SUN5: variants seen among roughly 807,000 people sequenced by gnomAD.
SUN5 encodes SUN domain-containing protein 5.
Under a neutral mutation model 53.7 loss-of-function variants are expected in SUN5, and 44 were observed. The ratio of observed to expected loss-of-function variants is 0.82; its 90% CI spans 0.64 to 1.05. The LOEUF (loss-of-function observed/expected upper bound fraction) is 1.05. Among genes scored for constraint, SUN5 ranks in the 50% least tolerant of loss-of-function variants. The probability of loss-of-function intolerance (pLI) is 0.00; values close to 1 mark genes in which losing one functional copy is unlikely to be tolerated. For synonymous variants in SUN5, 166 were observed against 179.8 expected (o/e 0.92, Z 0.62); for missense variants, 433 against 483.8 (o/e 0.90, Z 0.98).
chr20:32,984,768 C>T (rs996050742), intron 12 of SUN5, among the ~76,000 whole-genome samples: 19 of 152,210 alleles, frequency 1.2e-4, no homozygotes, highest in African/African-American at 2.7e-4. Flanking sequence ...CCACCCACTA[C>T]GGAGACTCTA....
At chr20:32,990,932 A>G (rs186724225) in intron 8 of SUN5, among the ~76,000 whole-genome samples, 2 of 152,304 alleles carry the variant, frequency 1.3e-5, no homozygotes, top group Admixed American at 1.3e-4. Flanking sequence ...CTAGAACAAT[A>G]GCCAGGGTGT....
chr20:32,983,806 AGGG>A lies in SUN5; in HGVS notation c.1125_1127del (p.Pro376del), dbSNP rs1989456214. On this transcript the variant is annotated inframe_deletion, in exon 13 of 13. Coordinates refer to ENST00000356173, the MANE Select transcript of SUN5 (RefSeq NM_080675.4). ...TAAAGAATAAATTTTAATCTCTCTTAGGGTAGGGGTTCTGGTGAGGCTGCTCTC... is the reference window on the plus strand; with the variant it reads ...TAAAGAATAAATTTTAATCTCTCTTATAGGGGTTCTGGTGAGGCTGCTCTC... 6.5e-6 allele frequency: 10 copies of A among 1,539,894 alleles called. No homozygotes were observed. The East Asian group carries it at 2.4e-4, about 38-fold the overall frequency.
At chr20:33,002,768 C>G in intron 2 of SUN5, 93 bp downstream of exon 2, 2 of 1,599,508 alleles carry the variant, frequency 1.3e-6, no homozygotes, top group South Asian at 2.2e-5. Flanking sequence ...GCCCCTGCCC[C>G]TTGCTGGGTA....
At chr20:32,996,418 G>A (rs938855449) in intron 6 of SUN5, 60 bp from the exon 7 acceptor site, 8 of 1,482,770 alleles carry the variant, frequency 5.4e-6, no homozygotes, top group African/African-American at 2.8e-5. Context: ...GGCCCCAGGA[G>A]AACTTCATCC....
chr20:32,988,538 C>T (rs890663826), intron 9 of SUN5, among the ~76,000 whole-genome samples: 1 of 152,114 alleles, frequency 6.6e-6, no homozygotes, highest in Non-Finnish European at 1.5e-5. Context: ...CCTCCCTCCT[C>T]GCCACCTGCC....
intron 5 of SUN5, among the ~76,000 whole-genome samples, chr20:32,998,197 A>AAAAAAAAAC (rs1989904638): frequency 6.6e-6 from 1 of 151,088 alleles, no homozygotes; most frequent in Admixed American, 6.6e-5. Context: ...AAAAAAAAAA[A>AAAAAAAAAC]AATACAAAAA....
In SUN5 at chr20:33,002,880, C is replaced by A. The variant is rs1133358; in HGVS notation, c.117G>T (p.Glu39Asp). The stretch of plus-strand genomic sequence containing the variant: ...GCTCACTCATGTTTGGGGAGGTGTC[C>A]TCTGCCATCCTGCTGGTGTTCCGGC... Reference protein sequence around the residue: ...QRGRNTSRMAEDTSPNMNDNI... With the variant: ...QRGRNTSRMADDTSPNMNDNI... The change falls in exon 2 of 13, where the codon GAG (glutamate) becomes GAT (aspartate). Residue 39 changes from glutamate to aspartate, a missense_variant. Glu to Asp is a conservative substitution (Grantham distance 45). Coordinates refer to ENST00000356173, the MANE Select transcript of SUN5 (RefSeq NM_080675.4). The A allele has an allele frequency of 0.23, 377,028 of 1,613,824 alleles. 45,944 individuals carry two copies. Among genetic ancestry groups the A allele is most frequent in the Admixed American group, 0.3 (18,065 of 60,008 alleles).
chr20:32,999,713 A>C, intron 5 of SUN5: 3 of 506,546 alleles, frequency 5.9e-6, no homozygotes, highest in South Asian at 2.4e-5. Context: ...CCCCACCCCC[A>C]GCCTCCACTC....
At chr20:32,988,837 C>T (rs1294885083) in intron 9 of SUN5, among the ~76,000 whole-genome samples, 8 of 152,092 alleles carry the variant, frequency 5.3e-5, no homozygotes, top group Non-Finnish European at 1.2e-4. Context: ...GATCCGCCTT[C>T]CTCGGCCTCC....
At chr20:32,988,742 C>T (rs1433029676) in intron 9 of SUN5, among the ~76,000 whole-genome samples, 1 of 151,526 alleles carries the variant, frequency 6.6e-6, no homozygotes, top group East Asian at 1.9e-4. Context: ...GTGCCCACAA[C>T]CACGCCCAGC....
intron 5 of SUN5, among the ~76,000 whole-genome samples, chr20:32,998,825 G>A (rs1214002904): frequency 6.6e-6 from 1 of 151,100 alleles, no homozygotes; most frequent in African/African-American, 2.4e-5. Flanking sequence ...AGACCAAACC[G>A]GGCAACACAA....
intron 10 of SUN5, among the ~76,000 whole-genome samples, chr20:32,987,449 C>A (rs893159452): frequency 1.3e-5 from 2 of 151,692 alleles, no homozygotes; most frequent in African/African-American, 2.4e-5. Context: ...ACCTCCTGCC[C>A]CCGCCTTCTC....
chr20:32,995,605 G>A lies in SUN5; in HGVS notation c.534+14C>T. On this transcript the variant is annotated intron_variant, in intron 8 of 12. Transcript: ENST00000356173. Reference sequence around the variant, plus strand: ...AGAAATTAGATGTTTGGGGCAGAATGGCCAGCGTCTCACCTCATCGGACAT... The same window carrying A: ...AGAAATTAGATGTTTGGGGCAGAATAGCCAGCGTCTCACCTCATCGGACAT... The A allele has an allele frequency of 4.4e-6, 7 of 1,607,934 alleles. No individual in the cohort carries two copies. Among genetic ancestry groups the A allele is most frequent in the Non-Finnish European group, 6.0e-6 (7 of 1,174,814 alleles).
At position 33,001,216 on chromosome 20, in the gene SUN5, A is replaced by G. The variant is rs1374526282; in HGVS notation, c.274T>C (p.Cys92Arg). 3 of 1,573,154 alleles carry G rather than the reference A, an allele frequency of 1.9e-6. No homozygotes were observed. The highest frequency in any genetic ancestry group is 4.6e-5 in the East Asian group (2 of 43,384). Residue 92 changes from cysteine (C) to arginine (R), a missense_variant, in exon 4 of 13, where the codon TGC becomes CGC. Transcript: ENST00000356173. ...TQAQQVLFNT[C>R]RCKLLCQKLM... is the part of the protein sequence containing the mutation. ...CCCCCTGCCTTCCCTGCTCACCTGCACGTGTTAAACAGAACCTGCTGGGCC... is the reference window on the plus strand; with the variant it reads ...CCCCCTGCCTTCCCTGCTCACCTGCGCGTGTTAAACAGAACCTGCTGGGCC...
chr20:33,000,918 C>T (rs1008908346), intron 4 of SUN5, among the ~76,000 whole-genome samples: 3 of 151,676 alleles, frequency 2.0e-5, no homozygotes, highest in Non-Finnish European at 2.9e-5. Flanking sequence ...ATGGTGTGCC[C>T]AGGGAGTGAG....
chr20:32,987,685 G>T lies in SUN5; in HGVS notation c.704C>A (p.Ala235Glu). ...YWNWIQLWNY[A>E]QPPDVILEPN... ...CTCAAGGATCACGTCTGGGGGCTGT[G>T]CGTAGTTCCACAGCTGGATCCAGTT... is the stretch of plus-strand genomic sequence containing the variant. Residue 235 changes from alanine to glutamate, a missense_variant, in exon 10 of 13, where the codon GCA (alanine) becomes GAA (glutamate). Coordinates refer to ENST00000356173, the MANE Select transcript of SUN5 (RefSeq NM_080675.4). 6.2e-7 allele frequency: 1 copy of T among 1,612,530 alleles called. No homozygotes were observed.
chr20:32,990,603 C>A (rs1989685677), intron 8 of SUN5, among the ~76,000 whole-genome samples: 1 of 152,176 alleles, frequency 6.6e-6, no homozygotes. Context: ...CTCCTGGAGG[C>A]CAGCTGCCAT....
intron 3 of SUN5, among the ~76,000 whole-genome samples, chr20:33,001,771 C>T (rs375953444): frequency 2.0e-5 from 3 of 149,264 alleles, no homozygotes; most frequent in Admixed American, 6.8e-5. Flanking sequence ...CAAGTTCAAG[C>T]GATTCTCTTG....
In SUN5 at chr20:32,988,409, T is replaced by C. The variant is rs1989609092; in HGVS notation, c.614-634A>G. On this transcript the variant is annotated intron_variant, in intron 9 of 12. Coordinates refer to ENST00000356173, the MANE Select transcript of SUN5 (RefSeq NM_080675.4). ...GGCCCATACTTTGCCTCCTCCCAGC[T>C]GTCCCTGAATGGCTCTCACCGGCCT... is the stretch of plus-strand genomic sequence containing the variant. Among the ~76,000 whole-genome samples, 3 of 152,162 alleles carry C rather than the reference T, an allele frequency of 2.0e-5. No individual in the cohort carries two copies. The South Asian group carries it at 6.2e-4, about 32-fold the overall frequency.
Sources: gnomAD v4.1 joint callset for allele counts (sites outside exome capture counted in the v4.1 genomes callset) on GRCh38, gnomAD v4.1.1 for gene constraint, MANE v1.5 for transcripts, NCBI Gene and HGNC (gene_info 2026-07-23, HGNC 2026-07-21) for gene names.